Variants in CCDC88C observed in about 807,000 individuals in gnomAD.
The protein encoded by CCDC88C is protein Daple.
A neutral mutation model predicts 198.8 loss-of-function variants in CCDC88C; 131 were observed. The ratio of observed to expected loss-of-function variants is 0.66; its 90% CI spans 0.57 to 0.76. The LOEUF (loss-of-function observed/expected upper bound fraction) is 0.76, where lower values mean the gene tolerates loss of function less well. Among genes scored for constraint, CCDC88C ranks in the 30% least tolerant of loss-of-function variants. CCDC88C has a pLI of 0.00. For missense variants in CCDC88C, 2,553 were observed against 2,631.6 expected (o/e 0.97, Z 0.65); for synonymous variants, 1,166 against 1,114.7 (o/e 1.05, Z -0.92).
intron 14 of CCDC88C, among the ~76,000 whole-genome samples, chr14:91,315,050 C>T (rs1207012782): frequency 1.3e-5 from 2 of 152,166 alleles, no homozygotes; most frequent in African/African-American, 4.8e-5. Context: ...GCAGAGGTAG[C>T]CACACGTTAG....
At chr14:91,291,381 A>G (rs1416374706) in intron 23 of CCDC88C, among the ~76,000 whole-genome samples, 8 of 152,202 alleles carry the variant, frequency 5.3e-5, no homozygotes. Context: ...GGAAGACCCA[A>G]GGATTCTCCT....
chr14:91,342,162 T>A (rs953026176), intron 6 of CCDC88C: 31 of 404,248 alleles, frequency 7.7e-5, no homozygotes, highest in African/African-American at 2.5e-4. Context: ...TTTTTTTTTT[T>A]AATTTTTATT....
intron 2 of CCDC88C, among the ~76,000 whole-genome samples, chr14:91,409,962 G>A (rs1005306790): frequency 3.9e-5 from 6 of 152,182 alleles, no homozygotes; most frequent in African/African-American, 1.4e-4. Context: ...ACTCTATGGT[G>A]TACAATGCAC....
rs1567069963 is a variant in CCDC88C, at chr14:91,313,782, CAG to C, written c.2032_2033del (p.Leu678GlufsTer15). 6.2e-7 allele frequency: 1 copy of C among 1,607,184 alleles called. No individual in the cohort carries two copies. The highest frequency in any genetic ancestry group is 8.5e-7 in the Non-Finnish European group (1 of 1,179,420). ...SQGLQLENRT[L>X]RKSLDTLQNV... ...TCTGCAAGGTGTCCAGAGACTTCCT[CAG>C]AGTCCGGTTCTCCAGCTGCAGGCCC... On this transcript the variant is annotated frameshift_variant, in exon 15 of 30. Coordinates refer to ENST00000389857, the MANE Select transcript of CCDC88C (RefSeq NM_001080414.4). LOFTEE classifies it high-confidence loss of function. The surrounding 1 kb of genome is among the most constrained non-coding windows in gnomAD (Gnocchi z 5.2).
In CCDC88C at chr14:91,284,801, C is replaced by T. The variant is rs182921453; in HGVS notation, c.4442-1284G>A. 2.6e-5 allele frequency among the ~76,000 whole-genome samples: 4 copies of T among 152,282 alleles called. No homozygotes were observed. Among genetic ancestry groups the T allele is most frequent in the African/African-American group, 7.2e-5 (3 of 41,538 alleles). On this transcript the variant is annotated intron_variant, in intron 25 of 29. Transcript: ENST00000389857. This position sits in a 1 kb window ranked among gnomAD's most constrained non-coding sequence, Gnocchi z 4.1. ...TCTTTCCTTTTAATACATTTAACTA[C>T]AAACTGTGAATCAATGTAAGGGAAA...
At chr14:91,370,285 C>G (rs929809876) in intron 3 of CCDC88C, among the ~76,000 whole-genome samples, 1 of 152,196 alleles carries the variant, frequency 6.6e-6, no homozygotes, top group Non-Finnish European at 1.5e-5. Flanking sequence ...GAAAAAGAGA[C>G]GCTGCTGGCA....
chr14:91,277,851 G>A, intron 29 of CCDC88C, 71 bp downstream of exon 29: 1 of 1,433,348 alleles, frequency 7.0e-7, no homozygotes, highest in Non-Finnish European at 9.2e-7. Flanking sequence ...CCTTTCTGCA[G>A]CTATGATCTT....
At position 91,273,083 on chromosome 14, in the gene CCDC88C, G is replaced by A. The variant is rs1007853976; in HGVS notation, c.5629C>T (p.Arg1877Cys). ...AGSSCQGPGP[R>C]SRPLDTRRFS... The stretch of plus-strand genomic sequence containing the variant: ...CGCCTCGTGTCCAGCGGCCGGCTGC[G>A]GGGACCTGGGCCCTGACAGGAGCTG... Residue 1877 changes from arginine to cysteine, a missense_variant, in exon 30 of 30, where the codon CGC becomes TGC. Physicochemically the swap from Arg to Cys is radical, Grantham distance 180 (BLOSUM62 -3). Coordinates refer to ENST00000389857, the MANE Select transcript of CCDC88C (RefSeq NM_001080414.4). This position sits in a 1 kb window ranked among gnomAD's most constrained non-coding sequence, Gnocchi z 5.6. 24 of 1,561,036 alleles carry A rather than the reference G, an allele frequency of 1.5e-5. No homozygotes were observed. The highest frequency in any genetic ancestry group is 1.9e-5 in the Admixed American group (1 of 53,080).
chr14:91,299,665 T>C (rs1293104506), intron 21 of CCDC88C, among the ~76,000 whole-genome samples: 1 of 152,234 alleles, frequency 6.6e-6, no homozygotes, highest in Admixed American at 6.5e-5. Context: ...CTGTGCCTGA[T>C]GCAATCCTCA....
In CCDC88C at chr14:91,303,958, A is replaced by G. The variant is rs776009882; in HGVS notation, c.3378T>C (p.Ser1126=). 6 of 1,604,872 alleles carry G rather than the reference A, an allele frequency of 3.7e-6. 1 individual carries two copies. The South Asian group carries it at 6.6e-5, about 18-fold the overall frequency. ...GCGCGGTGAGCGCTGCGCTCTGGGAACTCAGCGTGGAGTTCTCCACCTGCC... is the reference window on the plus strand; with the variant it reads ...GCGCGGTGAGCGCTGCGCTCTGGGAGCTCAGCGTGGAGTTCTCCACCTGCC... ...AKLQVENSTL[S]SQSAALTAQY... The change falls in exon 20 of 30, where the codon AGT becomes AGC. Residue 1126 remains serine, a synonymous_variant. Coordinates refer to ENST00000389857, the MANE Select transcript of CCDC88C (RefSeq NM_001080414.4).
At position 91,315,528 on chromosome 14, in the gene CCDC88C, G is replaced by C. The variant is rs958892638; in HGVS notation, c.1665+122C>G. 3 of 1,112,520 alleles carry C rather than the reference G, an allele frequency of 2.7e-6. No homozygotes were observed. In the African/African-American group the frequency reaches 4.7e-5, roughly 17 times the overall value. 68.9% of individuals were successfully genotyped at this position (1,112,520 alleles called of 1,614,324 possible). A position where few individuals can be genotyped will look rare whatever the true frequency, so the allele number is the denominator to read the frequency against. On this transcript the variant is annotated intron_variant, in intron 14 of 29. Coordinates refer to ENST00000389857, the MANE Select transcript of CCDC88C (RefSeq NM_001080414.4). ...ATTGAGAATTGCTGATTTAAGCTGT[G>C]GCTAAGCTAGGTAACGGATAATCCA...
chr14:91,278,877 C>A (rs1890077354), intron 28 of CCDC88C, among the ~76,000 whole-genome samples: 1 of 147,790 alleles, frequency 6.8e-6, no homozygotes, highest in Non-Finnish European at 1.5e-5. Context: ...CAGAGCCAAA[C>A]CACCAAATAC....
intron 16 of CCDC88C, 104 bp from the exon 17 acceptor site, chr14:91,308,596 C>T (rs755828557): frequency 5.8e-5 from 70 of 1,214,902 alleles, no homozygotes; most frequent in Non-Finnish European, 7.7e-5. Flanking sequence ...GGCTGGGTTA[C>T]GGAGCTGCTG....
chr14:91,369,608 T>C (rs1894692197), intron 3 of CCDC88C, among the ~76,000 whole-genome samples: 1 of 152,196 alleles, frequency 6.6e-6, no homozygotes, highest in Non-Finnish European at 1.5e-5. Context: ...AGCAGTGGTT[T>C]GTCCTTGCTG....
intron 18 of CCDC88C, 147 bp downstream of exon 18, chr14:91,306,891 A>G: frequency 1.2e-6 from 1 of 817,038 alleles, no homozygotes; most frequent in Non-Finnish European, 1.8e-6. Flanking sequence ...AGGGGCCCAC[A>G]GGACCTGCAA....
intron 3 of CCDC88C, among the ~76,000 whole-genome samples, chr14:91,389,989 G>C (rs867176281): frequency 6.6e-6 from 1 of 151,754 alleles, no homozygotes; most frequent in Non-Finnish European, 1.5e-5. Flanking sequence ...GGAGAATGGC[G>C]TGAACCCGGG....
At chr14:91,346,193 A>G (rs1212786370) in intron 4 of CCDC88C, among the ~76,000 whole-genome samples, 1 of 152,226 alleles carries the variant, frequency 6.6e-6, no homozygotes, top group Non-Finnish European at 1.5e-5. Context: ...ACTGAGAAAT[A>G]GCTAAAATTG....
intron 16 of CCDC88C, among the ~76,000 whole-genome samples, chr14:91,309,301 T>A (rs908275244): frequency 2.0e-5 from 3 of 152,218 alleles, no homozygotes; most frequent in African/African-American, 7.2e-5. Context: ...GTCTAATTTT[T>A]TAAAAAAATT....
chr14:91,372,109 G>A (rs1392695115), intron 3 of CCDC88C, among the ~76,000 whole-genome samples: 1 of 152,182 alleles, frequency 6.6e-6, no homozygotes, highest in Admixed American at 6.5e-5. Context: ...GGAGGGCAGG[G>A]AGAGCTCCTT....
Sources: gnomAD v4.1 joint callset for allele counts (sites outside exome capture counted in the v4.1 genomes callset) on GRCh38, gnomAD v4.1.1 for gene constraint, Gnocchi (gnomAD v3.1) non-coding constraint, MANE v1.5 for transcripts, NCBI Gene and HGNC (gene_info 2026-07-23, HGNC 2026-07-21) for gene names.